Variants in PWP1 observed in about 807,000 individuals in gnomAD.
PWP1 encodes periodic tryptophan protein 1 homolog.
Under a neutral mutation model 69.9 loss-of-function variants are expected in PWP1, and 47 were observed. That is an observed-to-expected ratio of 0.67 (90% CI 0.53 to 0.86). The LOEUF is 0.86. Among genes scored for constraint, PWP1 ranks in the 40% least tolerant of loss-of-function variants. The probability of loss-of-function intolerance (pLI) is 0.00; values close to 1 mark genes in which losing one functional copy is unlikely to be tolerated. For synonymous variants in PWP1, 222 were observed against 208.2 expected (o/e 1.07, Z -0.57); for missense variants, 551 against 608.8 (o/e 0.91, Z 1.00).
intron 8 of PWP1, among the ~76,000 whole-genome samples, chr12:107,700,280 C>A (rs1219045850): frequency 1.3e-5 from 2 of 152,146 alleles, no homozygotes; most frequent in Non-Finnish European, 2.9e-5. Flanking sequence ...CAACCATCAC[C>A]ACAATGCATC....
chr12:107,702,907 T>C, intron 8 of PWP1, 28 bp from the exon 9 acceptor site: 1 of 1,407,146 alleles, frequency 7.1e-7, no homozygotes, highest in South Asian at 1.2e-5. Context: ...TTTAAAAGAT[T>C]ACCTGATTGG....
intron 8 of PWP1, among the ~76,000 whole-genome samples, chr12:107,701,223 G>A (rs1368221497): frequency 6.6e-6 from 1 of 151,918 alleles, no homozygotes; most frequent in Non-Finnish European, 1.5e-5. Flanking sequence ...ACCTTCTGGG[G>A]CTCAGGTGAT....
intron 1 of PWP1, 175 bp downstream of exon 1, chr12:107,686,146 C>G: frequency 1.5e-6 from 1 of 685,822 alleles, no homozygotes; most frequent in South Asian, 1.8e-5. Context: ...AGGTCTGGTT[C>G]GCCTGAGCCT....
intron 1 of PWP1, among the ~76,000 whole-genome samples, chr12:107,687,945 C>T (rs1002954892): frequency 1.4e-5 from 2 of 145,068 alleles, no homozygotes; most frequent in Non-Finnish European, 3.0e-5. Context: ...GCAGGAGAAT[C>T]GCTTGAACCC....
At chr12:107,708,253 T>C (rs1889867844) in intron 11 of PWP1, among the ~76,000 whole-genome samples, 1 of 152,158 alleles carries the variant, frequency 6.6e-6, no homozygotes, top group Non-Finnish European at 1.5e-5. Flanking sequence ...CCTGCTTCCC[T>C]CTCATCTCAA....
chr12:107,705,084 T>C (rs977957367), intron 11 of PWP1, among the ~76,000 whole-genome samples: 2 of 152,130 alleles, frequency 1.3e-5, no homozygotes, highest in Non-Finnish European at 2.9e-5. Flanking sequence ...CAAGATGATA[T>C]TCTTTTCTTT....
chr12:107,702,392 T>G (rs1237592661), intron 8 of PWP1, among the ~76,000 whole-genome samples: 2 of 152,194 alleles, frequency 1.3e-5, no homozygotes, highest in African/African-American at 2.4e-5. Flanking sequence ...GCTATTCTCG[T>G]GCCTCAGCCT....
chr12:107,710,573 A>T, intron 14 of PWP1, 63 bp downstream of exon 14: 1 of 1,435,252 alleles, frequency 7.0e-7, no homozygotes, highest in Non-Finnish European at 9.3e-7. Context: ...AAAAAAAAAA[A>T]GACAGGGTCT....
At chr12:107,702,869 C>G (rs747106880) in intron 8 of PWP1, 66 bp from the exon 9 acceptor site, 3 of 983,226 alleles carry the variant, frequency 3.1e-6, no homozygotes, top group Non-Finnish European at 1.6e-6. Flanking sequence ...TAAATGCAAT[C>G]CTTTTCTCAT....
In PWP1 at chr12:107,692,859, G is replaced by A. The variant is rs1889507685; in HGVS notation, c.365G>A (p.Gly122Glu). Residue 122 changes from glycine to glutamate, a missense_variant, in exon 4 of 15, where the codon GGG (glycine) becomes GAG (glutamate). Transcript: ENST00000412830. ...TCTCTCTTGGGTCTTACGGTCTACG[G>A]GAGTAATGATCAAGATCCTTACGTT... is the stretch of plus-strand genomic sequence containing the variant. The part of the protein sequence containing the change: ...GESLLGLTVY[G>E]SNDQDPYVTL... The A allele has an allele frequency of 1.2e-6, 2 of 1,613,908 alleles. No individual in the cohort carries two copies. The highest frequency in any genetic ancestry group is 2.2e-5 in the East Asian group (1 of 44,860).
chr12:107,710,266 C>T, intron 13 of PWP1, 139 bp from the exon 14 acceptor site: 1 of 1,351,004 alleles, frequency 7.4e-7, no homozygotes, highest in East Asian at 2.6e-5. Context: ...GCTACCTTTG[C>T]AGTAGGCTTG....
chr12:107,696,128 G>A (rs1889581180), intron 5 of PWP1, among the ~76,000 whole-genome samples: 1 of 147,436 alleles, frequency 6.8e-6, no homozygotes, highest in Non-Finnish European at 1.5e-5. Flanking sequence ...CACCTCCCAG[G>A]TTCAAGCTAT....
At chr12:107,698,133 G>A (rs765427724) in intron 7 of PWP1, among the ~76,000 whole-genome samples, 2 of 152,128 alleles carry the variant, frequency 1.3e-5, no homozygotes, top group Admixed American at 6.5e-5. Context: ...AGGCTGAGGC[G>A]GGTGGATCAC....
chr12:107,696,057 G>GAGTCTC (rs1364592957), intron 5 of PWP1, among the ~76,000 whole-genome samples: 1 of 113,682 alleles, frequency 8.8e-6, no homozygotes, highest in East Asian at 3.0e-4. Context: ...TTTTGAGATA[G>GAGTCTC]AGTCTCACTA....
intron 13 of PWP1, among the ~76,000 whole-genome samples, 177 bp downstream of exon 13, chr12:107,709,409 T>C (rs1889897487): frequency 6.6e-6 from 1 of 152,142 alleles, no homozygotes; most frequent in South Asian, 2.1e-4. Flanking sequence ...TTAGAACGCT[T>C]TGTGGGGAAT....
intron 5 of PWP1, 23 bp from the exon 6 acceptor site, chr12:107,696,451 G>A: frequency 6.2e-7 from 1 of 1,607,456 alleles, no homozygotes; most frequent in Non-Finnish European, 8.5e-7. Flanking sequence ...ATACATTAAA[G>A]TCTCTTTTCC....
chr12:107,701,123 A>G (rs547047006), intron 8 of PWP1, among the ~76,000 whole-genome samples: 1 of 152,182 alleles, frequency 6.6e-6, no homozygotes, highest in South Asian at 2.1e-4. Context: ...ATGTTTTTCA[A>G]GTCCTTTGCT....
chr12:107,699,380 C>T lies in PWP1; in HGVS notation c.752C>T (p.Ser251Leu), dbSNP rs769497002. 6.2e-7 allele frequency: 1 copy of T among 1,612,068 alleles called. No individual in the cohort carries two copies. Among genetic ancestry groups the T allele is most frequent in the Admixed American group, 1.7e-5 (1 of 59,900 alleles). Residue 251 changes from serine (S) to leucine (L), a missense_variant, in exon 8 of 15, where the codon TCA becomes TTA. Coordinates refer to ENST00000412830, the MANE Select transcript of PWP1 (RefSeq NM_007062.3). Reference sequence around the variant, plus strand: ...TTAAAACAATTATTACAGAGTTCCTCAGCAGAAGGGCATACCGATGCTGTC... The same window carrying T: ...TTAAAACAATTATTACAGAGTTCCTTAGCAGAAGGGCATACCGATGCTGTC... The part of the protein sequence containing the change: ...KKKKKGKKSS[S>L]AEGHTDAVLD...
rs149518446 is a variant in PWP1, at chr12:107,703,819, G to A, written c.965+73G>A. ...GAAGTCATTTTAAGAGTATCACTTG[G>A]TACCCAGGCAGAATGTATCCTTGAG... On this transcript the variant is annotated intron_variant, in intron 10 of 14. Transcript: ENST00000412830. 3,862 of 1,411,970 alleles carry A rather than the reference G, an allele frequency of 2.7e-3. 11 individuals carry two copies. Among genetic ancestry groups the A allele is most frequent in the Middle Eastern group, 4.4e-3 (25 of 5,654 alleles). 87.5% of individuals were successfully genotyped at this position (1,411,970 alleles called of 1,614,324 possible).
Sources: allele counts gnomAD v4.1 joint callset (sites outside exome capture counted in the v4.1 genomes callset), GRCh38; gene constraint gnomAD v4.1.1; transcripts MANE v1.5; gene names NCBI Gene and HGNC (gene_info 2026-07-23, HGNC 2026-07-21).